The following ASAP1 variants were observed in gnomAD, a reference collection of about 807,000 sequenced individuals.
The protein encoded by ASAP1 is arf-GAP with SH3 domain, ANK repeat and PH domain-containing protein 1.
In ASAP1, 43 loss-of-function variants were observed where a neutral mutation model predicts 145.2. The observed-to-expected ratio is 0.30, with a 90% CI of 0.23 to 0.38. The LOEUF (loss-of-function observed/expected upper bound fraction) is 0.38, where lower values mean the gene tolerates loss of function less well. ASAP1 is among the 10% of genes least tolerant of loss of function. The probability of loss-of-function intolerance (pLI) is 1.00; values close to 1 mark genes in which losing one functional copy is unlikely to be tolerated. For missense variants in ASAP1, 1,018 were observed against 1,355.3 expected, an observed-to-expected ratio of 0.75 and a Z score of 3.91; for synonymous variants, 546 against 515.5, an observed-to-expected ratio of 1.06 and a Z score of -0.80.
At chr8:130,088,212 C>A (rs2097497953) in intron 25 of ASAP1, among the ~76,000 whole-genome samples, 1 of 152,120 alleles carries the variant, frequency 6.6e-6, no homozygotes, top group East Asian at 1.9e-4. Context: ...CTCACCACAA[C>A]CTCCGCCTCC....
At chr8:130,269,307 A>C (rs529546570) in intron 3 of ASAP1, among the ~76,000 whole-genome samples, 3 of 152,320 alleles carry the variant, frequency 2.0e-5, no homozygotes, top group African/African-American at 4.8e-5. Context: ...CAGAGAGAGA[A>C]GGCCAATGCA....
rs1378022430 is a variant in ASAP1 at position 130,052,305 on chromosome 8, T to A, written c.*2426A>T. Reference sequence around the variant, plus strand: ...AGGATTCCTATACAACATGTTGAAGTTCTAGGCAATAAAAAAATAAATAGC... The same window carrying A: ...AGGATTCCTATACAACATGTTGAAGATCTAGGCAATAAAAAAATAAATAGC... On this transcript the variant is annotated 3_prime_UTR_variant, in exon 30 of 30. Transcript: ENST00000518721. 6.6e-6 allele frequency: 1 copy of A among 152,570 alleles called. No individual in the cohort carries two copies. Among genetic ancestry groups the A allele is most frequent in the Admixed American group, 6.5e-5 (1 of 15,278 alleles). The allele number at this position is 152,570 out of a possible 1,614,324, so 9.5% of individuals were successfully genotyped here.
intron 1 of ASAP1, among the ~76,000 whole-genome samples, chr8:130,433,968 G>A (rs778417402): frequency 2.0e-5 from 3 of 152,196 alleles, no homozygotes; most frequent in Non-Finnish European, 2.9e-5. Context: ...AGGCAATATT[G>A]TATCGTGGTC....
chr8:130,105,836 T>C (rs533193428), intron 24 of ASAP1, among the ~76,000 whole-genome samples: 5 of 152,312 alleles, frequency 3.3e-5, no homozygotes, highest in Admixed American at 1.3e-4. Flanking sequence ...CACATTGCTC[T>C]GTCAACTGAC....
chr8:130,104,237 T>C (rs2097533423), intron 24 of ASAP1, among the ~76,000 whole-genome samples: 2 of 152,386 alleles, frequency 1.3e-5, no homozygotes, highest in South Asian at 4.1e-4. Flanking sequence ...GTAAAATTTA[T>C]TCAAAGACCT....
At position 130,052,550 on chromosome 8, in the gene ASAP1, C is replaced by G. The variant is rs2097394986; in HGVS notation, c.*2181G>C. 1 of 152,258 alleles carries G rather than the reference C, an allele frequency of 6.6e-6. No individual in the cohort carries two copies. Among genetic ancestry groups the G allele is most frequent in the African/African-American group, 2.4e-5 (1 of 41,340 alleles). 9.4% of individuals were successfully genotyped at this position (152,258 alleles called of 1,614,324 possible). ...CCAAAGGTATTTCTACTGAGTTTTC[C>G]TATGTCCCACAGTAAGCTGGGTTAG... On this transcript the variant is annotated 3_prime_UTR_variant, in exon 30 of 30. Transcript: ENST00000518721.
chr8:130,275,689 G>T (rs1375271324), intron 3 of ASAP1, among the ~76,000 whole-genome samples: 2 of 151,110 alleles, frequency 1.3e-5, no homozygotes, highest in African/African-American at 4.9e-5. Context: ...TAAGCATTTT[G>T]ATGCTTTTAA....
At chr8:130,402,933 T>TAA (rs1828863280) in intron 1 of ASAP1, among the ~76,000 whole-genome samples, 4 of 151,176 alleles carry the variant, frequency 2.6e-5, no homozygotes, top group Non-Finnish European at 4.4e-5. Flanking sequence ...TTTTTTTTTT[T>TAA]AATCTTTTAT....
At chr8:130,195,818 G>A (rs538446355) in intron 5 of ASAP1, among the ~76,000 whole-genome samples, 12 of 152,290 alleles carry the variant, frequency 7.9e-5, no homozygotes, top group African/African-American at 2.4e-4. Context: ...CAAATAGCCC[G>A]TTATCCTAGT....
chr8:130,126,884 C>T (rs769758015), intron 16 of ASAP1, among the ~76,000 whole-genome samples: 2 of 152,194 alleles, frequency 1.3e-5, no homozygotes, highest in Non-Finnish European at 2.9e-5. Flanking sequence ...AGGTTTGCAT[C>T]CTTGTTCTGA....
chr8:130,357,834 A>G (rs1826425407), intron 3 of ASAP1, among the ~76,000 whole-genome samples, 183 bp downstream of exon 3: 1 of 152,218 alleles, frequency 6.6e-6, no homozygotes. Context: ...CGCAAGACCC[A>G]GAAAGGGCGA....
intron 1 of ASAP1, among the ~76,000 whole-genome samples, chr8:130,437,381 G>A (rs991654978): frequency 2.0e-5 from 3 of 152,282 alleles, no homozygotes; most frequent in Admixed American, 1.3e-4. Context: ...TACCATCTAC[G>A]AGACCCTTGT....
chr8:130,134,081 A>G (rs1360871927), intron 15 of ASAP1, among the ~76,000 whole-genome samples: 8 of 152,326 alleles, frequency 5.3e-5, no homozygotes, highest in Non-Finnish European at 1.0e-4. Context: ...AGGCTTGAGC[A>G]GAATCTTGCA....
chr8:130,118,672 A>G lies in ASAP1; in HGVS notation c.1611T>C (p.Thr537=), dbSNP rs1206545539. Residue 537 remains threonine, a synonymous_variant, in exon 19 of 30, where the codon ACT becomes ACC. Coordinates refer to ENST00000518721, the MANE Select transcript of ASAP1 (RefSeq NM_018482.4). ...TTGCAGTGATATATTCTTTTCGTAC[A>G]GTCCTAAAACAGAACAAAATAAAGA... ...SPKPTPSSDM[T]VRKEYITAKY... 3.1e-6 allele frequency: 5 copies of G among 1,605,144 alleles called. No homozygotes were observed. The Admixed American group carries it at 8.4e-5, about 27-fold the overall frequency.
intron 4 of ASAP1, among the ~76,000 whole-genome samples, chr8:130,226,547 T>G (rs1817599748): frequency 1.3e-5 from 2 of 152,196 alleles, no homozygotes; most frequent in Non-Finnish European, 2.9e-5. Flanking sequence ...TTCTATAATT[T>G]CTCAAGGTCA....
At chr8:130,072,825 G>GTGTGTGTGTGTGCGCGTGTGCGTGCGCA in intron 27 of ASAP1, among the ~76,000 whole-genome samples, 1 of 54,098 alleles carries the variant, frequency 1.8e-5, no homozygotes, top group Non-Finnish European at 3.6e-5. Flanking sequence ...GTGTGTGTGT[G>GTGTGTGTGTGTGCGCGTGTGCGTGCGCA]CGCGCGGGGG....
chr8:130,436,270 T>C (rs1435358893), intron 1 of ASAP1, among the ~76,000 whole-genome samples: 1 of 152,216 alleles, frequency 6.6e-6, no homozygotes, highest in Non-Finnish European at 1.5e-5. Context: ...TTTGGAAGGC[T>C]GAGACAGGAG....
chr8:130,345,912 G>A (rs766891982), intron 3 of ASAP1, among the ~76,000 whole-genome samples: 3 of 152,190 alleles, frequency 2.0e-5, no homozygotes, highest in Non-Finnish European at 2.9e-5. Context: ...TAGGAATCTG[G>A]CTTTAGCATT....
At chr8:130,208,668 G>C (rs1192913930) in intron 5 of ASAP1, 1 of 152,158 alleles carries the variant, frequency 6.6e-6, no homozygotes, top group East Asian at 1.9e-4. Flanking sequence ...CCAGTAGTTG[G>C]ATTGCCATTC....
Sources: gnomAD v4.1 joint callset for allele counts (sites outside exome capture counted in the v4.1 genomes callset) on GRCh38, gnomAD v4.1.1 for gene constraint, MANE v1.5 for transcripts, NCBI Gene and HGNC (gene_info 2026-07-23, HGNC 2026-07-21) for gene names.